CCBE1: variants seen among roughly 807,000 people sequenced by gnomAD.
CCBE1 encodes collagen and calcium binding EGF domains 1, also known as collagen and calcium-binding EGF domain-containing protein 1.
Under a neutral mutation model 50.0 loss-of-function variants are expected in CCBE1, and 37 were observed. The ratio of observed to expected loss-of-function variants is 0.74; its 90% CI spans 0.57 to 0.97. The LOEUF (loss-of-function observed/expected upper bound fraction) is 0.97. Ranked by LOEUF, CCBE1 falls within the 50% of genes least tolerant of loss-of-function variation. CCBE1 has a pLI of 0.00. For synonymous variants in CCBE1, 234 were observed against 203.7 expected (o/e 1.15, Z -1.27); for missense variants, 538 against 523.8 (o/e 1.03, Z -0.26).
At position 59,599,851 on chromosome 18, in the gene CCBE1, G is replaced by A. The variant is rs78385366; in HGVS notation, c.212+96778C>T. Among the ~76,000 whole-genome samples the A allele has an allele frequency of 8.9e-3, 1,349 of 152,260 alleles. 16 individuals are homozygous for A. The highest frequency in any genetic ancestry group is 0.031 in the African/African-American group (1,275 of 41,538). Reference sequence around the variant, plus strand: ...ATTTCTAAAGTGGAAACAGTAGTTGGTGGCAATTAAAGCAAATTATTAACA... The same window carrying A: ...ATTTCTAAAGTGGAAACAGTAGTTGATGGCAATTAAAGCAAATTATTAACA... On this transcript the variant is annotated intron_variant, in intron 2 of 10. Transcript: ENST00000439986.
intron 2 of CCBE1, among the ~76,000 whole-genome samples, chr18:59,567,632 T>C (rs905843176): frequency 6.6e-6 from 1 of 152,170 alleles, no homozygotes; most frequent in African/African-American, 2.4e-5. Flanking sequence ...CAGTGACCCA[T>C]GCTCTGCTGG....
At chr18:59,591,878 A>G (rs1034549179) in intron 2 of CCBE1, among the ~76,000 whole-genome samples, 18 of 152,242 alleles carry the variant, frequency 1.2e-4, no homozygotes, top group Admixed American at 3.3e-4. Context: ...TATCGTTACA[A>G]AACATTGGAA....
In CCBE1 at chr18:59,637,733, T is replaced by C. The variant is rs531805385; in HGVS notation, c.212+58896A>G. Among the ~76,000 whole-genome samples, 5 of 152,246 alleles carry C rather than the reference T, an allele frequency of 3.3e-5. No homozygotes were observed. The East Asian group carries it at 7.7e-4, about 24-fold the overall frequency. The stretch of plus-strand genomic sequence containing the variant: ...AAAATTTTAAACTGTGATTTAAAAA[T>C]TGTGGAGAAATGAACAAATTCCTAG... On this transcript the variant is annotated intron_variant, in intron 2 of 10. Transcript: ENST00000439986.
At chr18:59,572,441 C>T (rs762095660) in intron 2 of CCBE1, among the ~76,000 whole-genome samples, 1 of 152,086 alleles carries the variant, frequency 6.6e-6, no homozygotes, top group Non-Finnish European at 1.5e-5. Flanking sequence ...ATAATTAAAA[C>T]CATGTGAAAT....
At chr18:59,439,281 T>G (rs2143616983) in intron 9 of CCBE1, among the ~76,000 whole-genome samples, 1 of 151,454 alleles carries the variant, frequency 6.6e-6, no homozygotes, top group South Asian at 2.1e-4. Flanking sequence ...AGTGAGACTC[T>G]GTCTCAAAAA....
intron 2 of CCBE1, among the ~76,000 whole-genome samples, chr18:59,617,795 C>T (rs930528526): frequency 1.3e-5 from 2 of 152,158 alleles, no homozygotes; most frequent in African/African-American, 4.8e-5. Flanking sequence ...AAAGCCAGAC[C>T]TGAGCCATGC....
intron 5 of CCBE1, among the ~76,000 whole-genome samples, chr18:59,460,790 C>T (rs1437873718): frequency 6.6e-6 from 1 of 151,940 alleles, no homozygotes; most frequent in Non-Finnish European, 1.5e-5. Flanking sequence ...AAAGGTTTAG[C>T]TGGGCATGGT....
Position 59,434,560 on chromosome 18 carries a change from T to G in CCBE1, c.*1348A>C, listed in dbSNP as rs561287969. On this transcript the variant is annotated 3_prime_UTR_variant, in exon 11 of 11. Transcript: ENST00000439986. ...CATGCTTCCCTTTGCCACCCAGAGG[T>G]GCTCTGAGAAAACACTCTAACTCAC... is the stretch of plus-strand genomic sequence containing the variant. 6.6e-6 allele frequency: 1 copy of G among 152,218 alleles called. No individual in the cohort carries two copies. Among genetic ancestry groups the G allele is most frequent in the African/African-American group, 2.4e-5 (1 of 41,512 alleles). 9.4% of individuals were successfully genotyped at this position (152,218 alleles called of 1,614,324 possible).
intron 5 of CCBE1, chr18:59,455,167 C>G: frequency 4.6e-6 from 3 of 647,864 alleles, no homozygotes; most frequent in Non-Finnish European, 5.7e-6. Context: ...CTGCTAGAAG[C>G]TGGGCTCAGC....
chr18:59,509,339 T>TAC (rs908712253), intron 2 of CCBE1, among the ~76,000 whole-genome samples: 3 of 151,998 alleles, frequency 2.0e-5, no homozygotes, highest in Non-Finnish European at 4.4e-5. Context: ...TATATATATA[T>TAC]ACACACACAC....
At chr18:59,439,910 T>C (rs1910342938) in intron 7 of CCBE1, 94 bp from the exon 8 acceptor site, 1 of 1,362,756 alleles carries the variant, frequency 7.3e-7, no homozygotes, top group African/African-American at 1.4e-5. Flanking sequence ...GCCATTTCTC[T>C]TTGTACTCTC....
intron 2 of CCBE1, among the ~76,000 whole-genome samples, chr18:59,647,879 G>C (rs139783252): frequency 2.0e-4 from 31 of 152,310 alleles, no homozygotes; most frequent in Admixed American, 1.0e-3. Flanking sequence ...TTGTATGATT[G>C]TGTAGGAGGG....
rs375734821 is a variant in CCBE1 at position 59,633,744 on chromosome 18, T to TTTAA, written c.212+62884_212+62885insTTAA. On this transcript the variant is annotated intron_variant, in intron 2 of 10. Transcript: ENST00000439986. The stretch of plus-strand genomic sequence containing the variant: ...AATTTAGGGTTTGTTTTTTTTTTTT[T>TTTAA]AAAATAAAACCTATGCATAAAATTT... 2.6e-3 allele frequency among the ~76,000 whole-genome samples: 397 copies of TTTAA among 151,578 alleles called. 1 individual carries two copies. The highest frequency in any genetic ancestry group is 9.3e-3 in the African/African-American group (382 of 41,268).
chr18:59,550,560 G>T (rs1915873653), intron 2 of CCBE1, among the ~76,000 whole-genome samples: 1 of 152,120 alleles, frequency 6.6e-6, no homozygotes, highest in Non-Finnish European at 1.5e-5. Flanking sequence ...AGTACTCATA[G>T]GTTCCCTCAG....
At chr18:59,611,137 G>A (rs1056992077) in intron 2 of CCBE1, among the ~76,000 whole-genome samples, 41 of 152,218 alleles carry the variant, frequency 2.7e-4, no homozygotes, top group Admixed American at 2.4e-3. Flanking sequence ...CTCACCACCG[G>A]CTCTGCCTAT....
At chr18:59,459,876 G>C (rs548879931) in intron 5 of CCBE1, among the ~76,000 whole-genome samples, 27 of 152,302 alleles carry the variant, frequency 1.8e-4, no homozygotes, top group South Asian at 1.7e-3. Flanking sequence ...CCAGGTAATT[G>C]CAAGGTTGAG....
Position 59,582,985 on chromosome 18 carries a change from TA to T in CCBE1, c.213-102748del, listed in dbSNP as rs1162197599. Among the ~76,000 whole-genome samples the T allele has an allele frequency of 5.3e-5, 8 of 151,904 alleles. No individual in the cohort carries two copies. In the East Asian group the frequency reaches 9.7e-4, roughly 18 times the overall value. ...GCATGTACCACCATGCCCAACTAAATAAAAAAAATTTTCTTTTTGTAGAGAT... is the reference window on the plus strand; with the variant it reads ...GCATGTACCACCATGCCCAACTAAATAAAAAAATTTTCTTTTTGTAGAGAT... On this transcript the variant is annotated intron_variant, in intron 2 of 10. Coordinates refer to ENST00000439986, the MANE Select transcript of CCBE1 (RefSeq NM_133459.4).
chr18:59,484,211 T>A (rs1417813008), intron 2 of CCBE1, among the ~76,000 whole-genome samples: 1 of 152,182 alleles, frequency 6.6e-6, no homozygotes, highest in Admixed American at 6.5e-5. Context: ...CTCCATTACT[T>A]GAGGCTGTCC....
At chr18:59,462,699 A>T (rs770023858) in intron 5 of CCBE1, among the ~76,000 whole-genome samples, 9 of 134,948 alleles carry the variant, frequency 6.7e-5, no homozygotes, top group Admixed American at 4.5e-4. Context: ...TTTTTTTTTT[A>T]AATGGCAATC....
Sources: allele counts gnomAD v4.1 joint callset (sites outside exome capture counted in the v4.1 genomes callset), GRCh38; gene constraint gnomAD v4.1.1; transcripts MANE v1.5; gene names NCBI Gene and HGNC (gene_info 2026-07-23, HGNC 2026-07-21).